Variants in SUGCT observed in about 807,000 individuals in gnomAD.
SUGCT encodes the protein succinyl-CoA:glutarate CoA-transferase.
SUGCT carries 41 observed loss-of-function variants against 55.0 expected under a neutral mutation model. The ratio of observed to expected loss-of-function variants is 0.74; its 90% CI spans 0.58 to 0.97. SUGCT has a LOEUF of 0.97. Among genes scored for constraint, SUGCT ranks in the 50% least tolerant of loss-of-function variants. SUGCT has a pLI of 0.00. For missense variants in SUGCT, 568 were observed against 547.8 expected, an observed-to-expected ratio of 1.04 and a Z score of -0.37; for synonymous variants, 187 against 200.4, an observed-to-expected ratio of 0.93 and a Z score of 0.56.
intron 9 of SUGCT, among the ~76,000 whole-genome samples, chr7:40,340,043 A>G (rs1463945087): frequency 2.0e-5 from 3 of 152,212 alleles, no homozygotes; most frequent in Non-Finnish European, 4.4e-5. Context: ...TAGACTTCCT[A>G]GAACTCATTC....
intron 12 of SUGCT, among the ~76,000 whole-genome samples, chr7:40,595,155 G>A (rs1424609325): frequency 6.6e-6 from 1 of 152,018 alleles, no homozygotes; most frequent in East Asian, 1.9e-4. Context: ...TATACTATCC[G>A]CCACAACTCT....
At chr7:40,484,924 GC>G (rs1453605466) in intron 11 of SUGCT, among the ~76,000 whole-genome samples, 1 of 151,896 alleles carries the variant, frequency 6.6e-6, no homozygotes, top group Admixed American at 6.6e-5. Flanking sequence ...TAGAATTTCT[GC>G]TTGGTGCATA....
intron 12 of SUGCT, chr7:40,684,073 C>G: frequency 6.2e-7 from 1 of 1,612,420 alleles, no homozygotes; most frequent in Non-Finnish European, 8.5e-7. Context: ...TCTCTGGCTT[C>G]CAAAGCCTGC....
rs745766266 is a variant in SUGCT at position 40,487,078 on chromosome 7, C to CTTT, written c.987-9185_987-9183dup. On this transcript the variant is annotated intron_variant, in intron 11 of 13. Coordinates refer to ENST00000335693, the MANE Select transcript of SUGCT (RefSeq NM_001193313.2). ...AAAAGATAGTTCATATGATTTCAAT[C>CTTT]TTTTTTTTTTTTTTTTTTTTTTTGA... Among the ~76,000 whole-genome samples, 297 of 93,896 alleles carry CTTT rather than the reference C, an allele frequency of 3.2e-3. 12 individuals carry two copies. Among genetic ancestry groups the CTTT allele is most frequent in the African/African-American group, 5.5e-3 (116 of 20,940 alleles). 61.6% of individuals were successfully genotyped at this position (93,896 alleles called of 152,430 possible).
intron 12 of SUGCT, among the ~76,000 whole-genome samples, chr7:40,585,213 A>G (rs528371395): frequency 2.3e-4 from 35 of 152,310 alleles, no homozygotes; most frequent in African/African-American, 8.2e-4. Flanking sequence ...TGAGGATTCT[A>G]TAAGCATTGT....
intron 11 of SUGCT, among the ~76,000 whole-genome samples, chr7:40,466,899 A>C (rs1790140043): frequency 6.6e-6 from 1 of 152,172 alleles, no homozygotes; most frequent in Non-Finnish European, 1.5e-5. Flanking sequence ...CATCACAAAG[A>C]GGATTAAAAA....
At chr7:40,136,799 G>C (rs1484312574) in intron 1 of SUGCT, among the ~76,000 whole-genome samples, 1 of 152,104 alleles carries the variant, frequency 6.6e-6, no homozygotes, top group African/African-American at 2.4e-5. Flanking sequence ...TTGAAGACCA[G>C]CCTGGGCAAC....
chr7:40,510,644 GGCAA>G (rs988972195), intron 12 of SUGCT, among the ~76,000 whole-genome samples: 17 of 152,196 alleles, frequency 1.1e-4, no homozygotes, highest in Non-Finnish European at 2.2e-4. Flanking sequence ...AGTACAAAGA[GGCAA>G]CGTTAAGCGT....
At chr7:41,020,480 G>A in the SUGCT span, among the ~76,000 whole-genome samples, 1 of 152,090 alleles carries the variant, frequency 6.6e-6, no homozygotes, top group South Asian at 2.1e-4. Context: ...AAAATAACAG[G>A]GCCACAGTCT....
Position 40,585,388 on chromosome 7 carries a change from C to T in SUGCT, c.1089+89002C>T, listed in dbSNP as rs772236182. Among the ~76,000 whole-genome samples, 10 of 152,088 alleles carry T rather than the reference C, an allele frequency of 6.6e-5. 1 individual carries two copies. Among genetic ancestry groups the T allele is most frequent in the Admixed American group, 2.6e-4 (4 of 15,260 alleles). On this transcript the variant is annotated intron_variant, in intron 12 of 13. Coordinates refer to ENST00000335693, the MANE Select transcript of SUGCT (RefSeq NM_001193313.2). Reference sequence around the variant, plus strand: ...TTTGTTTTGCCTTCTTCTCTGAAAACACAATTATTTTCTCATTCAAGGTTT... The same window carrying T: ...TTTGTTTTGCCTTCTTCTCTGAAAATACAATTATTTTCTCATTCAAGGTTT...
Position 40,749,440 on chromosome 7 carries a change from C to T in SUGCT, c.1096C>T (p.His366Tyr). 2 of 1,613,558 alleles carry T rather than the reference C, an allele frequency of 1.2e-6. No homozygotes were observed. The highest frequency in any genetic ancestry group is 1.7e-6 in the Non-Finnish European group (2 of 1,179,562). Residue 366 changes from histidine to tyrosine, a missense_variant, in exon 13 of 14, where the codon CAC becomes TAC. Coordinates refer to ENST00000335693, the MANE Select transcript of SUGCT (RefSeq NM_001193313.2). ...KNVFAEPQVLHNGLVMEMEHP... is the reference protein window; with the variant it reads ...KNVFAEPQVLYNGLVMEMEHP... Reference sequence around the variant, plus strand: ...TCTGTTTTTGCCTTTTCAGGTATTACACAATGGCCTCGTTATGGAGATGGA... The same window carrying T: ...TCTGTTTTTGCCTTTTCAGGTATTATACAATGGCCTCGTTATGGAGATGGA...
chr7:40,926,591 T>A, the SUGCT span, among the ~76,000 whole-genome samples: 1 of 152,156 alleles, frequency 6.6e-6, no homozygotes, highest in Non-Finnish European at 1.5e-5. Flanking sequence ...TATTTGGAGA[T>A]GGGGTCATGA....
intron 7 of SUGCT, among the ~76,000 whole-genome samples, chr7:40,271,562 A>G (rs1284456006): frequency 6.6e-6 from 1 of 152,176 alleles, no homozygotes; most frequent in Admixed American, 6.5e-5. Context: ...AAAAATCGAT[A>G]CATAATAGGT....
intron 11 of SUGCT, among the ~76,000 whole-genome samples, chr7:40,477,141 G>T (rs886608731): frequency 2.0e-5 from 3 of 152,106 alleles, no homozygotes; most frequent in Non-Finnish European, 4.4e-5. Flanking sequence ...GTATAGGAAA[G>T]ATAACATCCT....
intron 12 of SUGCT, among the ~76,000 whole-genome samples, chr7:40,584,823 GC>G (rs1405305641): frequency 4.6e-5 from 7 of 152,170 alleles, no homozygotes; most frequent in Non-Finnish European, 1.0e-4. Flanking sequence ...CATTATAGCT[GC>G]CTTGGGAGTG....
At chr7:40,210,104 G>A (rs899076565) in intron 6 of SUGCT, among the ~76,000 whole-genome samples, 10 of 151,886 alleles carry the variant, frequency 6.6e-5, no homozygotes, top group Non-Finnish European at 2.9e-5. Context: ...TTGAGACAGA[G>A]TCTTGCTCTG....
At chr7:40,562,540 G>T (rs1170830987) in intron 12 of SUGCT, among the ~76,000 whole-genome samples, 5 of 152,096 alleles carry the variant, frequency 3.3e-5, no homozygotes, top group Admixed American at 3.3e-4. Flanking sequence ...TCAATTTGTA[G>T]GACTGAGAGA....
At chr7:40,772,504 A>ATCTATCTG (rs1789165265) in intron 13 of SUGCT, among the ~76,000 whole-genome samples, 2 of 88,486 alleles carry the variant, frequency 2.3e-5, no homozygotes, top group African/African-American at 7.3e-5. Context: ...ATATCTATCT[A>ATCTATCTG]TCTATCTATC....
the SUGCT span, among the ~76,000 whole-genome samples, chr7:41,031,619 T>C: frequency 6.6e-6 from 1 of 152,218 alleles, no homozygotes; most frequent in Non-Finnish European, 1.5e-5. Context: ...TGTTGGCTTT[T>C]CCTTGTTTCA....
Sources: allele counts gnomAD v4.1 joint callset (sites outside exome capture counted in the v4.1 genomes callset), GRCh38; gene constraint gnomAD v4.1.1; transcripts MANE v1.5; gene names NCBI Gene and HGNC (gene_info 2026-07-23, HGNC 2026-07-21).